COL25A1: variants seen among roughly 807,000 people sequenced by gnomAD.
COL25A1 encodes collagen alpha-1(XXV) chain.
COL25A1 carries 103 observed loss-of-function variants against 128.4 expected under a neutral mutation model. The observed-to-expected ratio is 0.80, with a 90% CI of 0.68 to 0.94. The LOEUF (loss-of-function observed/expected upper bound fraction) is 0.94. Ranked by LOEUF, COL25A1 falls within the 40% of genes least tolerant of loss-of-function variation. The pLI, the probability that COL25A1 is intolerant of heterozygous loss-of-function variation, is 0.00. For synonymous variants in COL25A1, 279 were observed against 277.2 expected (o/e 1.01, Z -0.06); for missense variants, 745 against 840.0 (o/e 0.89, Z 1.40).
intron 3 of COL25A1, among the ~76,000 whole-genome samples, chr4:109,051,208 C>T (rs1760948862): frequency 1.3e-5 from 2 of 152,128 alleles, no homozygotes. Context: ...AAGACACAGG[C>T]AGCACAGGCC....
intron 6 of COL25A1, among the ~76,000 whole-genome samples, chr4:108,996,716 A>G (rs991039579): frequency 1.3e-5 from 2 of 152,218 alleles, no homozygotes; most frequent in Non-Finnish European, 2.9e-5. Flanking sequence ...AATTAACCAC[A>G]TAATTGATAC....
Position 108,825,212 on chromosome 4 carries a change from C to A in COL25A1, c.1775G>T (p.Gly592Val). 1 of 1,611,050 alleles carries A rather than the reference C, an allele frequency of 6.2e-7. No homozygotes were observed. The highest frequency in any genetic ancestry group is 8.5e-7 in the Non-Finnish European group (1 of 1,177,490). The part of the protein sequence containing the change: ...RGPYGLPGKD[G>V]EPGLDGFPGP... ...ATTACTTACATCAAGACCAGGCTCT[C>A]CATCTTTCCCCTGCCAAAGAACCAT... The change falls in exon 34 of 38, where the codon GGA becomes GTA. Residue 592 changes from glycine (G) to valine (V), a missense_variant. Physicochemically the swap from Gly to Val is moderately radical, Grantham distance 109 (BLOSUM62 -3). This residue lies in a region of COL25A1 where 387 missense variants were observed against 441.9 expected (regional missense o/e 0.88). Transcript: ENST00000399132.
intron 6 of COL25A1, among the ~76,000 whole-genome samples, chr4:108,993,684 A>T (rs1040454256): frequency 1.3e-5 from 2 of 151,764 alleles, no homozygotes; most frequent in Non-Finnish European, 2.9e-5. Flanking sequence ...ACATCATGAA[A>T]CCCCATCTCT....
intron 3 of COL25A1, among the ~76,000 whole-genome samples, chr4:109,070,254 C>CA (rs1263157615): frequency 9.0e-4 from 130 of 143,762 alleles, no homozygotes; most frequent in African/African-American, 2.4e-3. Flanking sequence ...TCTCAAAAAA[C>CA]AAAAAAAAAA....
intron 3 of COL25A1, among the ~76,000 whole-genome samples, chr4:109,211,298 A>G (rs202170721): frequency 2.2e-5 from 1 of 46,296 alleles, no homozygotes; most frequent in African/African-American, 3.8e-4. Flanking sequence ...AACTATATAT[A>G]TATATATATA....
At chr4:109,296,040 A>G (rs1724947743) in intron 3 of COL25A1, among the ~76,000 whole-genome samples, 1 of 151,982 alleles carries the variant, frequency 6.6e-6, no homozygotes, top group Admixed American at 6.6e-5. Flanking sequence ...TCCTTATTCA[A>G]CCTAACTCTC....
intron 8 of COL25A1, among the ~76,000 whole-genome samples, chr4:108,967,163 A>C (rs1453087715): frequency 6.6e-6 from 1 of 152,194 alleles, no homozygotes; most frequent in Non-Finnish European, 1.5e-5. Flanking sequence ...ATTAAATGAG[A>C]ATAATAAAAG....
At chr4:109,265,553 G>GTA (rs1156306504) in intron 3 of COL25A1, among the ~76,000 whole-genome samples, 1 of 150,410 alleles carries the variant, frequency 6.6e-6, no homozygotes, top group Admixed American at 6.7e-5. Flanking sequence ...GTGTGTGTGT[G>GTA]TGTGTGTGTG....
chr4:109,287,479 T>C (rs1220053005), intron 3 of COL25A1, among the ~76,000 whole-genome samples: 5 of 152,174 alleles, frequency 3.3e-5, no homozygotes, highest in Admixed American at 6.6e-5. Flanking sequence ...TCAGTTACCA[T>C]CCACAATATA....
chr4:108,950,366 T>C (rs1749268941), intron 8 of COL25A1, among the ~76,000 whole-genome samples: 2 of 151,840 alleles, frequency 1.3e-5, no homozygotes, highest in African/African-American at 4.8e-5. Flanking sequence ...CAGATAGACA[T>C]GTGTGGGCAG....
rs748321305 is a variant in COL25A1 at position 109,301,688 on chromosome 4, G to A, written c.297+35C>T. ...ACACAGAGTCACGCTTGTACAAGAT[G>A]TTACCCACGTGCAAAATACCCCAGC... On this transcript the variant is annotated intron_variant, in intron 2 of 37. Transcript: ENST00000399132. 4.6e-5 allele frequency: 73 copies of A among 1,593,074 alleles called. No individual in the cohort carries two copies. In the Admixed American group the frequency reaches 1.2e-3, roughly 27 times the overall value.
intron 31 of COL25A1, among the ~76,000 whole-genome samples, chr4:108,833,379 G>A (rs1334546126): frequency 6.6e-6 from 1 of 152,190 alleles, no homozygotes; most frequent in African/African-American, 2.4e-5. Flanking sequence ...GTTAGTTCAG[G>A]ATTAGGATTT....
chr4:109,297,581 T>TG (rs11462453), intron 3 of COL25A1, among the ~76,000 whole-genome samples: 83,889 of 151,710 alleles, frequency 0.55, 25,792 homozygotes, highest in African/African-American at 0.84. Context: ...TATGATTATC[T>TG]CATGAATAAT....
intron 6 of COL25A1, among the ~76,000 whole-genome samples, chr4:108,988,595 AT>A (rs1753870785): frequency 6.6e-6 from 1 of 152,300 alleles, no homozygotes; most frequent in Non-Finnish European, 1.5e-5. Context: ...ACAGGCATAC[AT>A]TTTTGGCTCC....
At chr4:109,021,659 A>T in intron 5 of COL25A1, 1 of 438,262 alleles carries the variant, frequency 2.3e-6, no homozygotes, top group Non-Finnish European at 4.5e-6. Context: ...AAAGAGCCAT[A>T]TTTTTCTTCT....
chr4:109,198,681 G>A lies in COL25A1; in HGVS notation c.367+101902C>T, dbSNP rs185783259. 2.3e-3 allele frequency among the ~76,000 whole-genome samples: 344 copies of A among 152,222 alleles called. 1 individual carries two copies. The highest frequency in any genetic ancestry group is 7.6e-3 in the African/African-American group (316 of 41,536). On this transcript the variant is annotated intron_variant, in intron 3 of 37. Transcript: ENST00000399132. ...ACAGCAAAGTGTTAATGAAAAATCT[G>A]TTTCAGCTGTGATGAGAAAAATATT... is the stretch of plus-strand genomic sequence containing the variant.
intron 3 of COL25A1, among the ~76,000 whole-genome samples, chr4:109,109,478 C>T (rs992466892): frequency 3.3e-5 from 5 of 152,170 alleles, no homozygotes; most frequent in African/African-American, 1.2e-4. Flanking sequence ...AGTGATCTGC[C>T]CGCCACAGCC....
At chr4:109,096,783 T>G (rs990699226) in intron 3 of COL25A1, among the ~76,000 whole-genome samples, 1 of 152,212 alleles carries the variant, frequency 6.6e-6, no homozygotes, top group African/African-American at 2.4e-5. Context: ...AGAACGGCAC[T>G]CAGCTGCAGT....
intron 3 of COL25A1, among the ~76,000 whole-genome samples, chr4:109,224,936 A>G (rs190766050): frequency 6.6e-6 from 1 of 152,292 alleles, no homozygotes; most frequent in East Asian, 1.9e-4. Flanking sequence ...GTGAAACTCC[A>G]TCTCAAAATA....
Sources: gnomAD v4.1 joint callset for allele counts (sites outside exome capture counted in the v4.1 genomes callset) on GRCh38, gnomAD v4.1.1 for gene constraint, gnomAD v4.1.1 regional missense constraint, MANE v1.5 for transcripts, NCBI Gene and HGNC (gene_info 2026-07-23, HGNC 2026-07-21) for gene names.